IQCH: variants seen among roughly 807,000 people sequenced by gnomAD.
IQCH encodes IQ domain-containing protein H.
A neutral mutation model predicts 117.0 loss-of-function variants in IQCH; 98 were observed. That is an observed-to-expected ratio of 0.84 (90% confidence interval 0.71 to 0.99). IQCH has a LOEUF of 0.99. IQCH is among the 50% of genes least tolerant of loss of function. The probability of loss-of-function intolerance (pLI) is 0.00; values close to 1 mark genes in which losing one functional copy is unlikely to be tolerated. For missense variants in IQCH, 1,102 were observed against 1,243.8 expected, an observed-to-expected ratio of 0.89 and a Z score of 1.72; for synonymous variants, 412 against 448.2, an observed-to-expected ratio of 0.92 and a Z score of 1.02.
intron 15 of IQCH, 23 bp from the exon 16 acceptor site, chr15:67,421,268 C>T (rs1401260989): frequency 6.2e-7 from 1 of 1,603,378 alleles, no homozygotes; most frequent in Non-Finnish European, 8.5e-7. Context: ...GTCCTTTCAC[C>T]TACTCCATGT....
At chr15:67,486,853 T>G (rs1301304999) in intron 18 of IQCH, among the ~76,000 whole-genome samples, 1 of 152,262 alleles carries the variant, frequency 6.6e-6, no homozygotes, top group East Asian at 1.9e-4. Context: ...CTACTTTTTT[T>G]GTACTAAGTC....
At chr15:67,278,453 C>T (rs1291440286) in intron 3 of IQCH, among the ~76,000 whole-genome samples, 4 of 152,214 alleles carry the variant, frequency 2.6e-5, no homozygotes, top group Non-Finnish European at 4.4e-5. Context: ...GCGTTCTTGT[C>T]AGTGTAGGTT....
intron 16 of IQCH, among the ~76,000 whole-genome samples, chr15:67,450,835 T>C (rs1438278793): frequency 6.6e-6 from 1 of 152,240 alleles, no homozygotes; most frequent in Admixed American, 6.5e-5. Context: ...AGAATTCGGC[T>C]GTGAATCCAT....
intron 10 of IQCH, among the ~76,000 whole-genome samples, chr15:67,380,381 C>G (rs1970885302): frequency 6.6e-6 from 1 of 152,158 alleles, no homozygotes; most frequent in Non-Finnish European, 1.5e-5. Flanking sequence ...AATAGCCCCC[C>G]AAAAAACCAA....
At chr15:67,484,752 T>A (rs894078397) in intron 18 of IQCH, among the ~76,000 whole-genome samples, 2 of 150,746 alleles carry the variant, frequency 1.3e-5, no homozygotes, top group Non-Finnish European at 3.0e-5. Context: ...AAAAAAAAAA[T>A]TAATAAAATA....
intron 14 of IQCH, among the ~76,000 whole-genome samples, chr15:67,414,126 C>A (rs1190103229): frequency 1.3e-5 from 2 of 152,222 alleles, no homozygotes; most frequent in Non-Finnish European, 2.9e-5. Flanking sequence ...CTTTAGCAGC[C>A]TTCCCTCCAG....
intron 16 of IQCH, among the ~76,000 whole-genome samples, chr15:67,434,397 T>C (rs1208594494): frequency 6.6e-6 from 1 of 152,206 alleles, no homozygotes; most frequent in East Asian, 1.9e-4. Flanking sequence ...CATATTGTCA[T>C]GAATGACAGA....
chr15:67,390,288 A>AACTACACT lies in IQCH; in HGVS notation c.1632+1287_1632+1288insACTACTAC, dbSNP rs879480415. 1.6e-4 allele frequency among the ~76,000 whole-genome samples: 25 copies of AACTACACT among 152,170 alleles called. No individual in the cohort carries two copies. Among genetic ancestry groups the AACTACACT allele is most frequent in the Non-Finnish European group, 2.6e-4 (18 of 68,034 alleles). On this transcript the variant is annotated intron_variant, in intron 12 of 20. Coordinates refer to ENST00000335894, the MANE Select transcript of IQCH (RefSeq NM_001031715.3). The surrounding 1 kb of genome is among the most constrained non-coding windows in gnomAD (Gnocchi z 5.0). ...ACATTAGGGTGCAAGGAAGAAAAAGAACTACCATTAGTGTTTAGTTAAATT... is the reference window on the plus strand; with the variant it reads ...ACATTAGGGTGCAAGGAAGAAAAAGAACTACACTACTACCATTAGTGTTTAGTTAAATT...
At position 67,254,838 on chromosome 15, in the gene IQCH, G is replaced by A; in HGVS notation, c.-59G>A. On this transcript the variant is annotated 5_prime_UTR_variant, in exon 1 of 21. It removes the in-frame stop codon of an upstream open reading frame in the 5' UTR. Coordinates refer to ENST00000335894, the MANE Select transcript of IQCH (RefSeq NM_001031715.3). ...GCCATGGGGACGAGCGGCTCCGGCT[G>A]AAGGTTTCCGTGCTTGGAAACCGCG... The A allele has an allele frequency of 6.4e-7, 1 of 1,559,840 alleles. No individual in the cohort carries two copies. Among genetic ancestry groups the A allele is most frequent in the Non-Finnish European group, 8.8e-7 (1 of 1,139,790 alleles).
In IQCH at chr15:67,473,895, G is replaced by A. The variant is rs1040939248; in HGVS notation, c.2677-1801G>A. On this transcript the variant is annotated intron_variant, in intron 17 of 20. Transcript: ENST00000335894. The surrounding 1 kb of genome is among the most constrained non-coding windows in gnomAD (Gnocchi z 4.9). ...ACTCAAGATGTATTAGCCTGTGGGG[G>A]CCTAACTCGTCTGTAGATGTGGACT... is the stretch of plus-strand genomic sequence containing the variant. Among the ~76,000 whole-genome samples the A allele has an allele frequency of 3.9e-5, 6 of 152,178 alleles. No individual in the cohort carries two copies. The highest frequency in any genetic ancestry group is 1.4e-4 in the African/African-American group (6 of 41,432).
intron 18 of IQCH, among the ~76,000 whole-genome samples, chr15:67,482,949 T>C (rs1338356762): frequency 6.6e-6 from 1 of 152,126 alleles, no homozygotes; most frequent in African/African-American, 2.4e-5. Flanking sequence ...CTTACATCTC[T>C]CACATATAAA....
intron 12 of IQCH, among the ~76,000 whole-genome samples, 169 bp downstream of exon 12, chr15:67,389,175 A>C (rs1359025798): frequency 6.6e-6 from 1 of 152,186 alleles, no homozygotes; most frequent in Non-Finnish European, 1.5e-5. Context: ...TTCCAGTTTA[A>C]CTTTCAGACT....
chr15:67,345,814 T>C (rs1263137455), intron 6 of IQCH, among the ~76,000 whole-genome samples: 1 of 152,186 alleles, frequency 6.6e-6, no homozygotes, highest in Non-Finnish European at 1.5e-5. Context: ...GAATGAAGTC[T>C]TGAGTTTAGT....
At chr15:67,313,062 C>G (rs1175592397) in intron 4 of IQCH, among the ~76,000 whole-genome samples, 1 of 152,146 alleles carries the variant, frequency 6.6e-6, no homozygotes, top group African/African-American at 2.4e-5. Flanking sequence ...AAGATACTTA[C>G]TTAGAGGAGA....
intron 7 of IQCH, among the ~76,000 whole-genome samples, chr15:67,358,898 C>A (rs538786172): frequency 6.6e-6 from 1 of 152,206 alleles, no homozygotes; most frequent in South Asian, 2.1e-4. Context: ...AAGAGATTTC[C>A]AAGCTATTTA....
chr15:67,377,994 C>T (rs1970795502), intron 10 of IQCH, among the ~76,000 whole-genome samples: 2 of 151,966 alleles, frequency 1.3e-5, no homozygotes, highest in Non-Finnish European at 2.9e-5. Context: ...CAGCATTTTC[C>T]AGCTCATGTG....
In IQCH at chr15:67,421,389, G is replaced by C; in HGVS notation, c.2317G>C (p.Gly773Arg). Residue 773 changes from glycine (G) to arginine (R), a missense_variant, in exon 16 of 21, where the codon GGG (glycine) becomes CGG (arginine). Physicochemically the swap from Gly to Arg is moderately radical, Grantham distance 125 (BLOSUM62 -2). Around this residue, in one of 2 missense-constraint regions of IQCH, gnomAD observed 650 missense variants for 794.3 expected, o/e 0.82. Transcript: ENST00000335894. ...PNGKISVLST[G>R]DQLHAESPFI... ...CGGGAAAATCAGCGTGCTGTCGACA[G>C]GGGACCAGCTTCATGCTGAAAGCCC... 2 of 1,614,182 alleles carry C rather than the reference G, an allele frequency of 1.2e-6. No individual in the cohort carries two copies. The highest frequency in any genetic ancestry group is 1.7e-6 in the Non-Finnish European group (2 of 1,180,018).
intron 4 of IQCH, among the ~76,000 whole-genome samples, chr15:67,319,369 C>A (rs1771940061): frequency 6.6e-6 from 1 of 152,158 alleles, no homozygotes; most frequent in Non-Finnish European, 1.5e-5. Flanking sequence ...ATTCTTGGGG[C>A]AAATCACTTA....
intron 4 of IQCH, among the ~76,000 whole-genome samples, chr15:67,298,461 G>A (rs2140521599): frequency 6.6e-6 from 1 of 152,200 alleles, no homozygotes; most frequent in South Asian, 2.1e-4. Flanking sequence ...TCTAAAGACA[G>A]GCAATAACAA....
Sources: gnomAD v4.1 joint callset for allele counts (sites outside exome capture counted in the v4.1 genomes callset) on GRCh38, gnomAD v4.1.1 for gene constraint, gnomAD v4.1.1 regional missense constraint, Gnocchi (gnomAD v3.1) non-coding constraint, MANE v1.5 for transcripts, NCBI Gene and HGNC (gene_info 2026-07-23, HGNC 2026-07-21) for gene names.